The following HPCAL1 variants were observed in gnomAD, a reference collection of about 807,000 sequenced individuals.
HPCAL1 encodes hippocalcin-like protein 1.
Under a neutral mutation model 17.1 loss-of-function variants are expected in HPCAL1, and 8 were observed. The observed-to-expected ratio is 0.47, with a 90% CI of 0.27 to 0.84. HPCAL1 has a LOEUF of 0.84. Ranked by LOEUF, HPCAL1 falls within the 40% of genes least tolerant of loss-of-function variation. HPCAL1 has a pLI of 0.13. For synonymous variants in HPCAL1, 112 were observed against 111.4 expected (o/e 1.01, Z -0.03); for missense variants, 165 against 271.1 (o/e 0.61, Z 2.75).
rs1007672833 is a variant in HPCAL1 at position 10,362,495 on chromosome 2, C to T, written c.-110-34340C>T. Among the ~76,000 whole-genome samples the T allele has an allele frequency of 1.3e-5, 2 of 152,122 alleles. No individual in the cohort carries two copies. Among genetic ancestry groups the T allele is most frequent in the Admixed American group, 1.3e-4 (2 of 15,264 alleles). On this transcript the variant is annotated intron_variant, in intron 1 of 4. Transcript: ENST00000307845. The surrounding 1 kb of genome is among the most constrained non-coding windows in gnomAD (Gnocchi z 5.0). ...CGGGCTGAGCAAGAGGAGGAGAGGA[C>T]AGGGAAGGAACATGTCTGCTTCTTT...
rs529481093 is a variant in HPCAL1, at chr2:10,331,622, G to A, written c.-111+28445G>A. On this transcript the variant is annotated intron_variant, in intron 1 of 4. Coordinates refer to ENST00000307845, the MANE Select transcript of HPCAL1 (RefSeq NM_002149.4). The surrounding 1 kb of genome is among the most constrained non-coding windows in gnomAD (Gnocchi z 5.0). The stretch of plus-strand genomic sequence containing the variant: ...CTTTGGGCCCAGCTGCACTGTGCCC[G>A]GGGTCCAGGGATGGGTGTGAGGCTG... 1.3e-5 allele frequency among the ~76,000 whole-genome samples: 2 copies of A among 152,290 alleles called. No homozygotes were observed. The highest frequency in any genetic ancestry group is 1.9e-4 in the East Asian group (1 of 5,170).
rs1166889560 is a variant in HPCAL1 at position 10,330,413 on chromosome 2, T to C, written c.-111+27236T>C. ...GCCCTGAGTCGTCTAACCTTCCCGG[T>C]GTATTAGTCAGCTCTGGCTGCTGGA... is the stretch of plus-strand genomic sequence containing the variant. On this transcript the variant is annotated intron_variant, in intron 1 of 4. Transcript: ENST00000307845. This position sits in a 1 kb window ranked among gnomAD's most constrained non-coding sequence, Gnocchi z 4.2. Among the ~76,000 whole-genome samples, 8 of 152,110 alleles carry C rather than the reference T, an allele frequency of 5.3e-5. No homozygotes were observed. The highest frequency in any genetic ancestry group is 1.2e-4 in the Non-Finnish European group (8 of 68,000).
chr2:10,314,043 A>T (rs1381687805), intron 1 of HPCAL1, among the ~76,000 whole-genome samples: 2 of 151,836 alleles, frequency 1.3e-5, no homozygotes, highest in Non-Finnish European at 2.9e-5. Flanking sequence ...AGGCAGGAGA[A>T]TTGCTTCAAC....
chr2:10,403,340 TG>T (rs76761438), intron 2 of HPCAL1, among the ~76,000 whole-genome samples: 60,110 of 151,936 alleles, frequency 0.4, 12,700 homozygotes, highest in South Asian at 0.58. Flanking sequence ...AAACACATAT[TG>T]GACCCTGATG....
In HPCAL1 at chr2:10,331,997, C is replaced by T. The variant is rs35434412; in HGVS notation, c.-111+28820C>T. On this transcript the variant is annotated intron_variant, in intron 1 of 4. Coordinates refer to ENST00000307845, the MANE Select transcript of HPCAL1 (RefSeq NM_002149.4). The surrounding 1 kb of genome is among the most constrained non-coding windows in gnomAD (Gnocchi z 5.0). ...CTTGTCACCTATTGTCATTTATGAG[C>T]CCCGTGTCACCTGTTGTTGCTTCAC... is the stretch of plus-strand genomic sequence containing the variant. Among the ~76,000 whole-genome samples, 26,432 of 151,022 alleles carry T rather than the reference C, an allele frequency of 0.18. 2,618 individuals carry two copies. Among genetic ancestry groups the T allele is most frequent in the Non-Finnish European group, 0.23 (15,408 of 67,634 alleles).
chr2:10,332,245 C>G lies in HPCAL1; in HGVS notation c.-111+29068C>G, dbSNP rs895492670. On this transcript the variant is annotated intron_variant, in intron 1 of 4. Transcript: ENST00000307845. ...TCTCTCCACCCACCCATGATCCCGTCAGCTTCTTCCCCCTCCTTCTCCATC... is the reference window on the plus strand; with the variant it reads ...TCTCTCCACCCACCCATGATCCCGTGAGCTTCTTCCCCCTCCTTCTCCATC... Among the ~76,000 whole-genome samples, 10 of 152,356 alleles carry G rather than the reference C, an allele frequency of 6.6e-5. 1 individual carries two copies. Among genetic ancestry groups the G allele is most frequent in the Admixed American group, 6.5e-5 (1 of 15,310 alleles).
rs529710180 is a variant in HPCAL1 at position 10,427,012 on chromosome 2, C to T, written c.*191C>T. On this transcript the variant is annotated 3_prime_UTR_variant, in exon 5 of 5. Coordinates refer to ENST00000307845, the MANE Select transcript of HPCAL1 (RefSeq NM_002149.4). ...GACCAACGCGACATTCCTCCCCTCA[C>T]GCCTGGCCCGGTCCCTTCCAGGGCA... The T allele has an allele frequency of 1.5e-4, 87 of 592,526 alleles. No homozygotes were observed. The highest frequency in any genetic ancestry group is 1.2e-3 in the Admixed American group (45 of 36,596). 36.7% of individuals were successfully genotyped at this position (592,526 alleles called of 1,614,324 possible). A position where few individuals can be genotyped will look rare whatever the true frequency, so the allele number is the denominator to read the frequency against.
chr2:10,324,912 T>C (rs1663906709), intron 1 of HPCAL1, among the ~76,000 whole-genome samples: 1 of 130,056 alleles, frequency 7.7e-6, no homozygotes, highest in Non-Finnish European at 1.6e-5. Context: ...AATCTCCACC[T>C]CCCAGGTTCA....
At chr2:10,379,123 T>G (rs1667779945) in intron 1 of HPCAL1, among the ~76,000 whole-genome samples, 1 of 151,930 alleles carries the variant, frequency 6.6e-6, no homozygotes, top group Non-Finnish European at 1.5e-5. Flanking sequence ...AGGTCAGGAG[T>G]TCGAGACCAG....
At chr2:10,378,722 C>T (rs1267848183) in intron 1 of HPCAL1, among the ~76,000 whole-genome samples, 1 of 152,172 alleles carries the variant, frequency 6.6e-6, no homozygotes, top group Non-Finnish European at 1.5e-5. Context: ...AGGGCACAGC[C>T]GTTCAGTCCA....
chr2:10,415,194 C>A (rs900756308), intron 2 of HPCAL1, among the ~76,000 whole-genome samples: 4 of 152,196 alleles, frequency 2.6e-5, no homozygotes, highest in Non-Finnish European at 4.4e-5. Context: ...GGGACTTCTG[C>A]CCCAGGCCGC....
chr2:10,380,131 G>A (rs2125535834), intron 1 of HPCAL1, among the ~76,000 whole-genome samples: 1 of 152,334 alleles, frequency 6.6e-6, no homozygotes, highest in East Asian at 1.9e-4. Context: ...TGCAATTGTT[G>A]GGCGGCTTTT....
At chr2:10,393,837 G>A (rs574735834) in intron 1 of HPCAL1, among the ~76,000 whole-genome samples, 4 of 152,134 alleles carry the variant, frequency 2.6e-5, no homozygotes, top group Middle Eastern at 3.4e-3. Context: ...CTTTAGGCCC[G>A]GGCGTGGTGG....
chr2:10,328,455 GA>G (rs1319219310), intron 1 of HPCAL1, among the ~76,000 whole-genome samples: 1 of 152,252 alleles, frequency 6.6e-6, no homozygotes, highest in Non-Finnish European at 1.5e-5. Flanking sequence ...TTCTGGAAGA[GA>G]CTGGCACACT....
In HPCAL1 at chr2:10,318,699, T is replaced by C. The variant is rs972721184; in HGVS notation, c.-111+15522T>C. 3.4e-4 allele frequency among the ~76,000 whole-genome samples: 51 copies of C among 152,168 alleles called. 1 individual carries two copies. The highest frequency in any genetic ancestry group is 8.8e-5 in the Non-Finnish European group (6 of 68,038). ...CCCCAAGTGCCACGGGCTTAGAGAC[T>C]TGAGAGGAGGTGCTTGCAACTCCAT... On this transcript the variant is annotated intron_variant, in intron 1 of 4. Coordinates refer to ENST00000307845, the MANE Select transcript of HPCAL1 (RefSeq NM_002149.4).
At chr2:10,355,221 G>A (rs1666071664) in intron 1 of HPCAL1, among the ~76,000 whole-genome samples, 1 of 152,020 alleles carries the variant, frequency 6.6e-6, no homozygotes, top group Non-Finnish European at 1.5e-5. Flanking sequence ...GGAGGCCGAG[G>A]CGGGCGGATC....
chr2:10,404,254 C>A (rs1367106609), intron 2 of HPCAL1, among the ~76,000 whole-genome samples: 1 of 152,134 alleles, frequency 6.6e-6, no homozygotes, highest in East Asian at 1.9e-4. Flanking sequence ...CTTAGCCAGA[C>A]TCTGGCCTCC....
intron 1 of HPCAL1, among the ~76,000 whole-genome samples, chr2:10,345,669 C>T (rs1665390071): frequency 6.6e-6 from 1 of 152,136 alleles, no homozygotes; most frequent in Non-Finnish European, 1.5e-5. Flanking sequence ...GCTGCCTGGG[C>T]TGGTCTCGAA....
chr2:10,308,336 TAATA>T (rs1662752093), intron 1 of HPCAL1, among the ~76,000 whole-genome samples: 1 of 152,158 alleles, frequency 6.6e-6, no homozygotes. Context: ...TTCAGTAAAT[TAATA>T]GAGTTCATAG....
Sources: allele counts gnomAD v4.1 joint callset (sites outside exome capture counted in the v4.1 genomes callset), GRCh38; gene constraint gnomAD v4.1.1; non-coding constraint Gnocchi (gnomAD v3.1); transcripts MANE v1.5; gene names NCBI Gene and HGNC (gene_info 2026-07-23, HGNC 2026-07-21).